The following VPS8 variants were observed in gnomAD, a reference collection of about 807,000 sequenced individuals.
VPS8 encodes the protein VPS8 subunit of CORVET complex.
Under a neutral mutation model 216.4 loss-of-function variants are expected in VPS8, and 129 were observed. That is an observed-to-expected ratio of 0.60 (90% CI 0.52 to 0.69). The LOEUF (loss-of-function observed/expected upper bound fraction) is 0.69, where lower values mean the gene tolerates loss of function less well. Ranked by LOEUF, VPS8 falls within the 30% of genes least tolerant of loss-of-function variation. The pLI, the probability that VPS8 is intolerant of heterozygous loss-of-function variation, is 0.00. For synonymous variants in VPS8, 571 were observed against 565.4 expected, an observed-to-expected ratio of 1.01 and a Z score of -0.14; for missense variants, 1,531 against 1,683.5, an observed-to-expected ratio of 0.91 and a Z score of 1.59.
rs372109008 is a variant in VPS8 at position 184,936,339 on chromosome 3, C to G, written c.2988+4C>G. 6.2e-7 allele frequency: 1 copy of G among 1,602,842 alleles called. No individual in the cohort carries two copies. Among genetic ancestry groups the G allele is most frequent in the Non-Finnish European group, 8.5e-7 (1 of 1,173,716 alleles). On this transcript the variant is annotated splice_donor_region_variant and intron_variant, in intron 35 of 47. Coordinates refer to ENST00000625842, the MANE Select transcript of VPS8 (RefSeq NM_001009921.3). The stretch of plus-strand genomic sequence containing the variant: ...AACGGTCATTAAAAAACTTCAGGTA[C>G]ATATTGCAAATATATATTGGGGAAA...
In VPS8 at chr3:184,918,464, G is replaced by A. The variant is rs567129793; in HGVS notation, c.2383-1663G>A. 5.9e-5 allele frequency among the ~76,000 whole-genome samples: 9 copies of A among 152,258 alleles called. No individual in the cohort carries two copies. In the South Asian group the frequency reaches 1.2e-3, roughly 21 times the overall value. ...AACATCCATAATTAGAAGCATTTTT[G>A]TGGGATGATAATGGTCTAACAATGT... is the stretch of plus-strand genomic sequence containing the variant. On this transcript the variant is annotated intron_variant, in intron 28 of 47. Transcript: ENST00000625842.
chr3:184,836,277 G>A (rs1003277769), intron 5 of VPS8: 1 of 456,642 alleles, frequency 2.2e-6, no homozygotes, highest in Non-Finnish European at 4.4e-6. Flanking sequence ...GCTAGAATGG[G>A]AACCACCTGT....
chr3:184,977,608 A>G (rs1749490154), intron 40 of VPS8, among the ~76,000 whole-genome samples: 2 of 152,088 alleles, frequency 1.3e-5, no homozygotes, highest in Non-Finnish European at 2.9e-5. Flanking sequence ...AGTCTAATCC[A>G]TCTTAAGTTG....
At chr3:184,959,758 T>G (rs921995346) in intron 37 of VPS8, among the ~76,000 whole-genome samples, 5 of 152,188 alleles carry the variant, frequency 3.3e-5, no homozygotes, top group African/African-American at 1.2e-4. Context: ...GTCACAGTTG[T>G]CAGAAACCTG....
intron 24 of VPS8, among the ~76,000 whole-genome samples, chr3:184,900,546 A>C (rs879539715): frequency 1.3e-5 from 2 of 152,156 alleles, no homozygotes; most frequent in Non-Finnish European, 2.9e-5. Context: ...GTGGCTGCTG[A>C]TTGGATGTTT....
chr3:184,876,744 CT>C (rs1729350050), intron 21 of VPS8, among the ~76,000 whole-genome samples: 1 of 152,174 alleles, frequency 6.6e-6, no homozygotes, highest in South Asian at 2.1e-4. Flanking sequence ...TTTCTCTCAT[CT>C]GTTTCCACCA....
Position 184,971,567 on chromosome 3 carries a change from A to G in VPS8, c.3317-82A>G, listed in dbSNP as rs538081663. ...TAGAAAATGAAGGTGATGCAAAGAA[A>G]AAGAAGTTTAACTTTTCACAGAGGC... On this transcript the variant is annotated intron_variant, in intron 39 of 47. Coordinates refer to ENST00000625842, the MANE Select transcript of VPS8 (RefSeq NM_001009921.3). 25 of 1,011,146 alleles carry G rather than the reference A, an allele frequency of 2.5e-5. No individual in the cohort carries two copies. In the African/African-American group the frequency reaches 3.8e-4, roughly 15 times the overall value. 62.6% of individuals were successfully genotyped at this position (1,011,146 alleles called of 1,614,324 possible). A position where few individuals can be genotyped will look rare whatever the true frequency, so the allele number is the denominator to read the frequency against.
chr3:184,968,529 C>G (rs1747797698), intron 39 of VPS8, among the ~76,000 whole-genome samples: 1 of 152,186 alleles, frequency 6.6e-6, no homozygotes, highest in Admixed American at 6.5e-5. Context: ...TCTCCACATC[C>G]TTTCCGACAT....
chr3:185,020,241 A>T (rs1302192798), intron 45 of VPS8, among the ~76,000 whole-genome samples: 1 of 152,230 alleles, frequency 6.6e-6, no homozygotes, highest in Non-Finnish European at 1.5e-5. Flanking sequence ...GCAGTGAATG[A>T]ACTGCTTTGT....
Position 184,968,645 on chromosome 3 carries a change from G to A in VPS8, c.3316+1932G>A, listed in dbSNP as rs570692984. ...TAATGATTAGTGATGATTTTCCTGA[G>A]TATTTTGGCTATTTATCTACCTTAT... On this transcript the variant is annotated intron_variant, in intron 39 of 47. Transcript: ENST00000625842. Among the ~76,000 whole-genome samples, 6 of 152,176 alleles carry A rather than the reference G, an allele frequency of 3.9e-5. No homozygotes were observed. The East Asian group carries it at 1.2e-3, about 29-fold the overall frequency.
chr3:184,852,670 G>C (rs756682953), intron 11 of VPS8, 103 bp downstream of exon 11: 2 of 1,094,130 alleles, frequency 1.8e-6, no homozygotes, highest in Non-Finnish European at 2.7e-6. Flanking sequence ...GTAATTGAGA[G>C]TAGATTATGA....
At chr3:184,985,036 C>G (rs1750857420) in intron 42 of VPS8, among the ~76,000 whole-genome samples, 2 of 152,166 alleles carry the variant, frequency 1.3e-5, no homozygotes, top group African/African-American at 4.8e-5. Context: ...GTTGTTAACT[C>G]CCACTAATCA....
At position 184,964,478 on chromosome 3, in the gene VPS8, A is replaced by G; in HGVS notation, c.3194A>G (p.Lys1065Arg). The change falls in exon 38 of 48, where the codon AAG (lysine) becomes AGG (arginine). Residue 1065 changes from lysine to arginine, a missense_variant. By Grantham distance (26) the Lys-to-Arg change is conservative. Around this residue, in one of 3 missense-constraint regions of VPS8, gnomAD observed 1,318 missense variants for 1,468.4 expected, o/e 0.90. Transcript: ENST00000625842. Reference protein sequence around the residue: ...RLEETIQITQKYQLHEVTAYL... With the variant: ...RLEETIQITQRYQLHEVTAYL... ...TTTTTTATTTCCTAGATTACTCAGA[A>G]GTATCAACTTCATGAAGTCACCGCT... The G allele has an allele frequency of 6.7e-7, 1 of 1,502,686 alleles. No individual in the cohort carries two copies. The allele number at this position is 1,502,686 out of a possible 1,614,324, so 93.1% of individuals were successfully genotyped here.
chr3:185,046,171 G>A (rs997957192), intron 46 of VPS8, among the ~76,000 whole-genome samples: 6 of 152,212 alleles, frequency 3.9e-5, no homozygotes, highest in Non-Finnish European at 7.3e-5. Flanking sequence ...CCTTGGGGAG[G>A]TTTAGTGGTC....
chr3:184,817,296 T>C (rs1339534241), intron 1 of VPS8: 1 of 152,144 alleles, frequency 6.6e-6, no homozygotes. Context: ...GATGGGTAGA[T>C]GGGTGGGTTG....
intron 45 of VPS8, among the ~76,000 whole-genome samples, chr3:185,015,179 G>C (rs1417765322): frequency 6.6e-6 from 1 of 152,186 alleles, no homozygotes; most frequent in Non-Finnish European, 1.5e-5. Context: ...GAGACCAGAG[G>C]CGTTAACATG....
intron 40 of VPS8, among the ~76,000 whole-genome samples, chr3:184,974,889 G>C (rs1749011435): frequency 1.3e-5 from 2 of 151,956 alleles, no homozygotes; most frequent in Non-Finnish European, 2.9e-5. Flanking sequence ...TTATTTCTGG[G>C]TTCTCTGTTC....
chr3:184,948,503 A>G (rs1334639859), intron 36 of VPS8, among the ~76,000 whole-genome samples: 4 of 152,182 alleles, frequency 2.6e-5, no homozygotes, highest in Admixed American at 6.5e-5. Context: ...AGCCTGGATG[A>G]CAGAGGGAGA....
rs1364460009 is a variant in VPS8 at position 184,862,977 on chromosome 3, G to A, written c.1305G>A (p.Leu435=). ...HVIDRQTQEE[L]ETVEISEVQL... is the part of the protein sequence containing the mutation. ...TTGATCGGCAAACACAAGAGGAATT[G>A]GAGACAGTGGAGATCTCAGAAGTTC... The change falls in exon 16 of 48, where the codon TTG becomes TTA. Residue 435 remains leucine, a synonymous_variant. Transcript: ENST00000625842. 1.2e-6 allele frequency: 2 copies of A among 1,613,946 alleles called. No individual in the cohort carries two copies. The highest frequency in any genetic ancestry group is 1.7e-5 in the Admixed American group (1 of 60,018).
Sources: gnomAD v4.1 joint callset for allele counts (sites outside exome capture counted in the v4.1 genomes callset) on GRCh38, gnomAD v4.1.1 for gene constraint, gnomAD v4.1.1 regional missense constraint, MANE v1.5 for transcripts, NCBI Gene and HGNC (gene_info 2026-07-23, HGNC 2026-07-21) for gene names.